Variants in ZNF787 observed in about 807,000 individuals in gnomAD.
The protein encoded by ZNF787 is zinc finger protein 787, also known as TTF-I-interacting peptide 20.
A neutral mutation model predicts 16.9 loss-of-function variants in ZNF787; 7 were observed. That is an observed-to-expected ratio of 0.42 (90% confidence interval 0.24 to 0.78). The LOEUF (loss-of-function observed/expected upper bound fraction) is 0.78. ZNF787 is among the 30% of genes least tolerant of loss of function. The pLI, the probability that ZNF787 is intolerant of heterozygous loss-of-function variation, is 0.30. For missense variants in ZNF787, 551 were observed against 589.3 expected (o/e 0.94, Z 0.67); for synonymous variants, 345 against 270.9 (o/e 1.27, Z -2.69).
chr19:56,087,994 C>CGGGGGG lies in ZNF787; in HGVS notation c.*28_*29insCCCCCC. The CGGGGGG allele has an allele frequency of 5.6e-6, 7 of 1,248,922 alleles. No individual in the cohort carries two copies. The East Asian group carries it at 1.9e-4, about 33-fold the overall frequency. 77.4% of individuals were successfully genotyped at this position (1,248,922 alleles called of 1,614,324 possible). A position where few individuals can be genotyped will look rare whatever the true frequency, so the allele number is the denominator to read the frequency against. On this transcript the variant is annotated 3_prime_UTR_variant, in exon 3 of 3. Transcript: ENST00000610935. ...TCGCTCCCGCCAAGCCCGAGGGGCCCTGCCCGCCCCCCCCCCCGGGCCCCT... is the reference window on the plus strand; with the variant it reads ...TCGCTCCCGCCAAGCCCGAGGGGCCCGGGGGGTGCCCGCCCCCCCCCCCGGGCCCCT...
At chr19:56,092,051 ACCCTC>A (rs1985622151) in intron 2 of ZNF787, among the ~76,000 whole-genome samples, 8 of 148,760 alleles carry the variant, frequency 5.4e-5, no homozygotes, top group African/African-American at 2.0e-4. Context: ...CCGAAGCCTC[ACCCTC>A]ACCCTCACCC....
At chr19:56,109,106 G>C (rs764618993) in intron 1 of ZNF787, among the ~76,000 whole-genome samples, 2 of 152,184 alleles carry the variant, frequency 1.3e-5, no homozygotes, top group Admixed American at 6.5e-5. Context: ...CATCAAGAGT[G>C]AGAGTGATCT....
intron 1 of ZNF787, among the ~76,000 whole-genome samples, chr19:56,120,928 C>CGCCGCCCGCGG (rs1297981309): frequency 7.3e-6 from 1 of 136,440 alleles, no homozygotes; most frequent in African/African-American, 2.7e-5. Flanking sequence ...CAGCCCCGCT[C>CGCCGCCCGCGG]GCCGCCCGCG....
intron 2 of ZNF787, among the ~76,000 whole-genome samples, chr19:56,089,347 C>T (rs1253324707): frequency 6.6e-6 from 1 of 152,126 alleles, no homozygotes; most frequent in Non-Finnish European, 1.5e-5. Context: ...ACACAGAAGG[C>T]CTGGTCTGTA....
intron 2 of ZNF787, among the ~76,000 whole-genome samples, chr19:56,096,237 A>AAAAAAATAAAAAAAC (rs374168080): frequency 2.0e-5 from 2 of 100,238 alleles, no homozygotes; most frequent in Non-Finnish European, 3.5e-5. Flanking sequence ...CTAAAAAAAT[A>AAAAAAATAAAAAAAC]AAAAAAATAA....
intron 1 of ZNF787, among the ~76,000 whole-genome samples, chr19:56,120,865 C>CCACGCG (rs1349591103): frequency 3.5e-5 from 5 of 142,752 alleles, no homozygotes; most frequent in Non-Finnish European, 7.8e-5. Flanking sequence ...CCTGCCCCCG[C>CCACGCG]CACGCGCACG....
At chr19:56,110,981 C>A (rs1227552259) in intron 1 of ZNF787, among the ~76,000 whole-genome samples, 1 of 152,204 alleles carries the variant, frequency 6.6e-6, no homozygotes, top group South Asian at 2.1e-4. Context: ...AGGGGCTGAC[C>A]CCGGGCGGGG....
intron 2 of ZNF787, among the ~76,000 whole-genome samples, chr19:56,100,644 C>T (rs911484589): frequency 1.3e-5 from 2 of 151,068 alleles, no homozygotes; most frequent in African/African-American, 4.9e-5. Flanking sequence ...ACACCCGCCA[C>T]CCCACCCCCA....
At chr19:56,105,400 A>T (rs1986263831) in intron 1 of ZNF787, 1 of 152,304 alleles carries the variant, frequency 6.6e-6, no homozygotes, top group Admixed American at 6.5e-5. Flanking sequence ...AATAAGGGCA[A>T]TTTAAAAAAA....
intron 2 of ZNF787, among the ~76,000 whole-genome samples, chr19:56,092,085 T>G (rs1397812541): frequency 6.8e-6 from 1 of 146,340 alleles, no homozygotes; most frequent in Non-Finnish European, 1.5e-5. Context: ...ACAGGAGCAA[T>G]GAGGCTAACA....
intron 2 of ZNF787, among the ~76,000 whole-genome samples, chr19:56,098,175 C>G (rs1026867786): frequency 6.6e-6 from 1 of 152,190 alleles, no homozygotes; most frequent in Non-Finnish European, 1.5e-5. Flanking sequence ...AGAAAGCTTT[C>G]CAACCACCCA....
Position 56,087,689 on chromosome 19 carries a change from T to A in ZNF787, c.*334A>T, listed in dbSNP as rs1266263920. On this transcript the variant is annotated 3_prime_UTR_variant, in exon 3 of 3. Transcript: ENST00000610935. Reference sequence around the variant, plus strand: ...ACCCCCCACCCCCGCCCCGGACAACTGAGGAAGAGCAGGGAAAATGGCCTT... The same window carrying A: ...ACCCCCCACCCCCGCCCCGGACAACAGAGGAAGAGCAGGGAAAATGGCCTT... The A allele has an allele frequency of 1.1e-3, 167 of 152,568 alleles. No homozygotes were observed. Among genetic ancestry groups the A allele is most frequent in the Middle Eastern group, 3.0e-3 (1 of 338 alleles). 9.5% of individuals were successfully genotyped at this position (152,568 alleles called of 1,614,324 possible).
chr19:56,092,762 T>G (rs946843143), intron 2 of ZNF787, among the ~76,000 whole-genome samples: 11 of 150,820 alleles, frequency 7.3e-5, no homozygotes, highest in African/African-American at 2.7e-4. Flanking sequence ...AGCTGGAATA[T>G]CCTACAGACA....
Position 56,088,073 on chromosome 19 carries a change from C to G in ZNF787, c.1099G>C (p.Glu367Gln). ...AGGEEEDDDD[E>Q]AAGGRCPECR... Reference sequence around the variant, plus strand: ...TCGGGGCACCGCCCGCCCGCGGCCTCGTCGTCGTCGTCCTCCTCCTCCCCG... The same window carrying G: ...TCGGGGCACCGCCCGCCCGCGGCCTGGTCGTCGTCGTCCTCCTCCTCCCCG... The change falls in exon 3 of 3, where the codon GAG becomes CAG. Residue 367 changes from glutamate to glutamine, a missense_variant. Coordinates refer to ENST00000610935, the MANE Select transcript of ZNF787 (RefSeq NM_001002836.4). The surrounding 1 kb of genome is among the most constrained non-coding windows in gnomAD (Gnocchi z 8.6). The G allele has an allele frequency of 7.0e-7, 1 of 1,434,830 alleles. No individual in the cohort carries two copies. The highest frequency in any genetic ancestry group is 9.2e-7 in the Non-Finnish European group (1 of 1,089,800). The allele number at this position is 1,434,830 out of a possible 1,614,324, so 88.9% of individuals were successfully genotyped here.
In ZNF787 at chr19:56,087,755, T is replaced by G. The variant is rs1262295980; in HGVS notation, c.*268A>C. The G allele has an allele frequency of 5.2e-6, 2 of 381,874 alleles. No homozygotes were observed. The highest frequency in any genetic ancestry group is 2.2e-5 in the African/African-American group (1 of 46,424). 23.7% of individuals were successfully genotyped at this position (381,874 alleles called of 1,614,324 possible). On this transcript the variant is annotated 3_prime_UTR_variant, in exon 3 of 3. Transcript: ENST00000610935. ...TCGCCACTCGGCCTCTGCAGTTCTC[T>G]CCATTGTCTCTCCGGCTCGCAGGCC...
intron 2 of ZNF787, among the ~76,000 whole-genome samples, chr19:56,096,471 T>C (rs1985878821): frequency 6.6e-6 from 1 of 151,032 alleles, no homozygotes; most frequent in South Asian, 2.1e-4. Flanking sequence ...TCACAACACT[T>C]TGGGAGGCCG....
chr19:56,088,152 C>T lies in ZNF787; in HGVS notation c.1020G>A (p.Ala340=), dbSNP rs748834909. ...AALRRHKKIH[A]VGAPSVCSSC... ...TGCTGCAGACCGAGGGCGCGCCCAC[C>T]GCGTGGATCTTCTTGTGTCTCCGGA... Residue 340 remains alanine, a synonymous_variant, in exon 3 of 3, where the codon GCG becomes GCA. Coordinates refer to ENST00000610935, the MANE Select transcript of ZNF787 (RefSeq NM_001002836.4). This position sits in a 1 kb window ranked among gnomAD's most constrained non-coding sequence, Gnocchi z 8.6. The T allele has an allele frequency of 2.6e-5, 40 of 1,554,998 alleles. No individual in the cohort carries two copies. The highest frequency in any genetic ancestry group is 2.5e-4 in the Admixed American group (14 of 55,056).
intron 1 of ZNF787, among the ~76,000 whole-genome samples, chr19:56,103,823 G>T (rs1333415879): frequency 2.3e-5 from 3 of 131,252 alleles, no homozygotes; most frequent in African/African-American, 5.8e-5. Flanking sequence ...CCACCGACCC[G>T]TGCCACGCAC....
chr19:56,096,395 G>A (rs1985875193), intron 2 of ZNF787, among the ~76,000 whole-genome samples: 1 of 151,972 alleles, frequency 6.6e-6, no homozygotes, highest in South Asian at 2.1e-4. Context: ...CTCCAGCCTG[G>A]GCAACAGAGC....
Sources: allele counts gnomAD v4.1 joint callset (sites outside exome capture counted in the v4.1 genomes callset), GRCh38; gene constraint gnomAD v4.1.1; non-coding constraint Gnocchi (gnomAD v3.1); transcripts MANE v1.5; gene names NCBI Gene and HGNC (gene_info 2026-07-23, HGNC 2026-07-21).